The following MBD1 variants were observed in gnomAD, a reference collection of about 807,000 sequenced individuals.
MBD1 encodes the protein methyl-CpG binding domain protein 1, also known as methyl-CpG-binding domain protein 1.
Under a neutral mutation model 82.6 loss-of-function variants are expected in MBD1, and 25 were observed. That is an observed-to-expected ratio of 0.30 (90% CI 0.22 to 0.42). The LOEUF (loss-of-function observed/expected upper bound fraction) is 0.42, where lower values mean the gene tolerates loss of function less well. MBD1 is among the 10% of genes least tolerant of loss of function. MBD1 has a pLI of 1.00. For missense variants in MBD1, 627 were observed against 819.6 expected (o/e 0.76, Z 2.87); for synonymous variants, 301 against 303.7 (o/e 0.99, Z 0.09).
chr18:50,278,772 T>C (rs1381331779), intron 2 of MBD1, among the ~76,000 whole-genome samples: 1 of 152,240 alleles, frequency 6.6e-6, no homozygotes, highest in Non-Finnish European at 1.5e-5. Flanking sequence ...CTAGAAGAAA[T>C]ACAGGGTTAG....
chr18:50,270,018 T>C (rs780376482), intron 16 of MBD1, 200 bp from the exon 17 acceptor site: 74 of 1,597,990 alleles, frequency 4.6e-5, no homozygotes, highest in Admixed American at 8.3e-5. Context: ...AGTCTAAATG[T>C]CAATCAAATA....
intron 2 of MBD1, among the ~76,000 whole-genome samples, chr18:50,278,618 T>G (rs1325734708): frequency 6.6e-6 from 1 of 152,240 alleles, no homozygotes; most frequent in African/African-American, 2.4e-5. Flanking sequence ...CAACTTAGAT[T>G]TAAAAAATCA....
chr18:50,271,660 A>G (rs1599252474), intron 15 of MBD1, 120 bp from the exon 16 acceptor site: 1 of 1,064,906 alleles, frequency 9.4e-7, no homozygotes, highest in East Asian at 2.4e-5. Flanking sequence ...ATTATCCTTT[A>G]TCTTTTTTTA....
At chr18:50,273,514 G>A in intron 12 of MBD1, 43 bp from the exon 13 acceptor site, 1 of 1,613,744 alleles carries the variant, frequency 6.2e-7, no homozygotes, top group African/African-American at 1.3e-5. Context: ...TCAGCTCCCT[G>A]GCATGCAGCT....
At chr18:50,274,048 G>A (rs2036728624) in intron 11 of MBD1, 138 bp downstream of exon 11, 44 of 1,383,038 alleles carry the variant, frequency 3.2e-5, no homozygotes, top group South Asian at 1.9e-4. Context: ...GACTCATTAA[G>A]CCAAGAACAA....
In MBD1 at chr18:50,275,738, G is replaced by A. The variant is rs1490551140; in HGVS notation, c.664-10C>T. On this transcript the variant is annotated splice_polypyrimidine_tract_variant and intron_variant, in intron 7 of 16. Transcript: ENST00000269468. ...CTCCACACCCTCGGCTCTGTTGGCG[G>A]GGGGCAGGTGGGAGCAGAGGCATGA... The A allele has an allele frequency of 6.2e-7, 1 of 1,614,146 alleles. No homozygotes were observed. The highest frequency in any genetic ancestry group is 1.1e-5 in the South Asian group (1 of 91,082).
chr18:50,273,915 T>A, intron 11 of MBD1, 52 bp from the exon 12 acceptor site: 6 of 1,597,638 alleles, frequency 3.8e-6, no homozygotes, highest in Non-Finnish European at 5.1e-6. Context: ...ACCAATCACA[T>A]CCACCCTGCC....
At chr18:50,276,055 C>T (rs2037741167) in intron 6 of MBD1, 74 bp from the exon 7 acceptor site, 3 of 1,539,898 alleles carry the variant, frequency 1.9e-6, no homozygotes, top group African/African-American at 1.4e-5. Flanking sequence ...ACTGACCCTA[C>T]ATCAGCTGGC....
At chr18:50,278,845 T>A (rs1273618938) in intron 2 of MBD1, among the ~76,000 whole-genome samples, 1 of 152,228 alleles carries the variant, frequency 6.6e-6, no homozygotes, top group East Asian at 1.9e-4. Flanking sequence ...CATTACTTAA[T>A]ACATATTTTT....
At position 50,275,966 on chromosome 18, in the gene MBD1, C is replaced by T. The variant is rs1446793297; in HGVS notation, c.532G>A (p.Glu178Lys). Residue 178 changes from glutamate (E) to lysine (K), a missense_variant, in exon 7 of 17, where the codon GAG becomes AAG. Transcript: ENST00000269468. ...QRMFKRVGCG[E>K]CAACQVTEDC... ...TCTGTTACCTGGCAGGCTGCACACT[C>T]CCCACAGCCCACACGCTGCCAGGAA... is the stretch of plus-strand genomic sequence containing the variant. 1.2e-6 allele frequency: 2 copies of T among 1,612,980 alleles called. No homozygotes were observed. Among genetic ancestry groups the T allele is most frequent in the Non-Finnish European group, 1.7e-6 (2 of 1,180,022 alleles).
At chr18:50,274,129 C>T in intron 11 of MBD1, 57 bp downstream of exon 11, 2 of 1,609,060 alleles carry the variant, frequency 1.2e-6, no homozygotes, top group East Asian at 2.2e-5. Context: ...CACTTCCAGG[C>T]ACTGGGGCGC....
At chr18:50,273,907 C>A (rs1009271462) in intron 11 of MBD1, 44 bp from the exon 12 acceptor site, 2 of 1,601,690 alleles carry the variant, frequency 1.2e-6, no homozygotes, top group Admixed American at 1.7e-5. Context: ...GTGTCCTGAC[C>A]AATCACATCC....
intron 5 of MBD1, 108 bp from the exon 6 acceptor site, chr18:50,276,526 G>T: frequency 7.0e-7 from 1 of 1,429,422 alleles, no homozygotes; most frequent in Non-Finnish European, 9.8e-7. Context: ...ACCTATGCCT[G>T]CTATCTCCAA....
rs372996183 is a variant in MBD1, at chr18:50,271,594, T to C, written c.1779-54A>G. ...TGAATGAGGTTTGCTATGTGCGCAA[T>C]GGAGCATTACAAAACCATTTCCTAC... On this transcript the variant is annotated intron_variant, in intron 15 of 16. Coordinates refer to ENST00000269468, the MANE Select transcript of MBD1 (RefSeq NM_015846.4). The C allele has an allele frequency of 8.3e-5, 133 of 1,598,432 alleles. 1 individual carries two copies. Among genetic ancestry groups the C allele is most frequent in the South Asian group, 6.3e-4 (57 of 90,798 alleles).
intron 12 of MBD1, 32 bp from the exon 13 acceptor site, chr18:50,273,503 C>A (rs374045652): frequency 4.9e-4 from 797 of 1,613,818 alleles, no homozygotes; most frequent in Non-Finnish European, 5.8e-4. Context: ...CAGACTTGGT[C>A]TCAGCTCCCT....
At chr18:50,280,750 C>G (rs1216775233) in intron 1 of MBD1, among the ~76,000 whole-genome samples, 1 of 152,026 alleles carries the variant, frequency 6.6e-6, no homozygotes, top group Non-Finnish European at 1.5e-5. Context: ...CAATTTCTCC[C>G]TAGTCTGAGC....
chr18:50,274,412 G>A (rs1211099541), intron 10 of MBD1, 59 bp from the exon 11 acceptor site: 6 of 1,556,798 alleles, frequency 3.9e-6, no homozygotes, highest in South Asian at 2.3e-5. Context: ...CATCCTCAAC[G>A]CCTATTCCAG....
intron 1 of MBD1, 74 bp from the exon 2 acceptor site, chr18:50,280,091 A>C: frequency 1.4e-6 from 2 of 1,436,336 alleles, no homozygotes; most frequent in Non-Finnish European, 1.9e-6. Flanking sequence ...GGCCACACAA[A>C]TCACTGGTAT....
At position 50,271,482 on chromosome 18, in the gene MBD1, G is replaced by C. The variant is rs2145785525; in HGVS notation, c.*19C>G. 6.2e-7 allele frequency: 1 copy of C among 1,614,134 alleles called. No homozygotes were observed. The highest frequency in any genetic ancestry group is 2.2e-5 in the East Asian group (1 of 44,876). On this transcript the variant is annotated 3_prime_UTR_variant, in exon 16 of 17. Coordinates refer to ENST00000269468, the MANE Select transcript of MBD1 (RefSeq NM_015846.4). ...TGCAAATATCACCTTGAATCCTACA[G>C]TCTGTAGAAGCCTCCAGTCTACTGC...
Sources: gnomAD v4.1 joint callset for allele counts (sites outside exome capture counted in the v4.1 genomes callset) on GRCh38, gnomAD v4.1.1 for gene constraint, MANE v1.5 for transcripts, NCBI Gene and HGNC (gene_info 2026-07-23, HGNC 2026-07-21) for gene names.